Variants in FRMPD2 observed in about 807,000 individuals in gnomAD.
FRMPD2 encodes the protein FERM and PDZ domain-containing protein 2.
Under a neutral mutation model 140.1 loss-of-function variants are expected in FRMPD2, and 96 were observed. That is an observed-to-expected ratio of 0.69 (90% CI 0.58 to 0.81). The LOEUF (loss-of-function observed/expected upper bound fraction) is 0.81, where lower values mean the gene tolerates loss of function less well. Among genes scored for constraint, FRMPD2 ranks in the 40% least tolerant of loss-of-function variants. The pLI is 0.00. For missense variants in FRMPD2, 1,240 were observed against 1,447.4 expected, an observed-to-expected ratio of 0.86 and a Z score of 2.32; for synonymous variants, 449 against 547.6, an observed-to-expected ratio of 0.82 and a Z score of 2.52.
chr10:48,273,135 T>C (rs1564446250), intron 1 of FRMPD2, among the ~76,000 whole-genome samples: 1 of 152,186 alleles, frequency 6.6e-6, no homozygotes, highest in Non-Finnish European at 1.5e-5. Context: ...TGTATTTGTT[T>C]TTGCTCACAG....
chr10:48,274,872 A>G, upstream of FRMPD2: 1 of 417,218 alleles, frequency 2.4e-6, no homozygotes, highest in Non-Finnish European at 4.3e-6. Context: ...GAAGAGCTCA[A>G]GTGGATTAGG....
At chr10:48,238,525 G>T (rs1474256954) in intron 7 of FRMPD2, among the ~76,000 whole-genome samples, 1 of 152,136 alleles carries the variant, frequency 6.6e-6, no homozygotes, top group South Asian at 2.1e-4. Context: ...GGAATCAGGG[G>T]GTAAAAATTG....
rs141463378 is a variant in FRMPD2, at chr10:48,209,092, G to A, written c.1612-2159C>T. On this transcript the variant is annotated intron_variant, in intron 13 of 28. Transcript: ENST00000374201. ...GGGAAACCAGCTCCTGGCAGTAAAC[G>A]ATTTCCTAAAAACAGTACTGTCTTA... Among the ~76,000 whole-genome samples, 118 of 152,156 alleles carry A rather than the reference G, an allele frequency of 7.8e-4. 2 individuals are homozygous for A. Among genetic ancestry groups the A allele is most frequent in the East Asian group, 5.0e-3 (26 of 5,182 alleles).
chr10:48,255,278 C>T (rs1314087794), intron 1 of FRMPD2, among the ~76,000 whole-genome samples: 2 of 152,176 alleles, frequency 1.3e-5, no homozygotes, highest in African/African-American at 2.4e-5. Flanking sequence ...AATGAGTTTC[C>T]AGGCTGAGGA....
In FRMPD2 at chr10:48,240,449, T is replaced by C. The variant is rs901056508; in HGVS notation, c.611A>G (p.Asn204Ser). The change falls in exon 6 of 29, where the codon AAC (asparagine) becomes AGC (serine). Residue 204 changes from asparagine (N) to serine (S), a missense_variant. By Grantham distance (46) the Asn-to-Ser change is conservative. Transcript: ENST00000374201. ...CCTCTTCCTGAGCAGGTAGCTTCTGTTCTGCTGCACAGAGGAGCTTTCCTC... is the reference window on the plus strand; with the variant it reads ...CCTCTTCCTGAGCAGGTAGCTTCTGCTCTGCTGCACAGAGGAGCTTTCCTC... ...VVEESSSVQQNRSYLLRKRLR... is the reference protein window; with the variant it reads ...VVEESSSVQQSRSYLLRKRLR... The C allele has an allele frequency of 6.2e-7, 1 of 1,613,872 alleles. No individual in the cohort carries two copies. Among genetic ancestry groups the C allele is most frequent in the Non-Finnish European group, 8.5e-7 (1 of 1,180,028 alleles).
intron 10 of FRMPD2, among the ~76,000 whole-genome samples, chr10:48,227,824 G>T (rs2047746): frequency 0.21 from 31,905 of 151,886 alleles, 3,662 homozygotes; most frequent in African/African-American, 0.31. Flanking sequence ...AATGTTTTTT[G>T]AGTTCAGGTG....
At chr10:48,271,734 GAA>G (rs1421848615) in intron 1 of FRMPD2, among the ~76,000 whole-genome samples, 2 of 152,232 alleles carry the variant, frequency 1.3e-5, no homozygotes, top group African/African-American at 2.4e-5. Flanking sequence ...CTTCTGCCAG[GAA>G]AGCAGCTAAA....
intron 17 of FRMPD2, 141 bp downstream of exon 17, chr10:48,187,051 T>A: frequency 1.7e-6 from 1 of 603,460 alleles, no homozygotes; most frequent in Non-Finnish European, 2.9e-6. Context: ...TCACAAGTAG[T>A]TTAAAAAGAA....
At chr10:48,203,272 G>A (rs1474971783) in intron 14 of FRMPD2, among the ~76,000 whole-genome samples, 2 of 152,090 alleles carry the variant, frequency 1.3e-5, no homozygotes, top group Non-Finnish European at 1.5e-5. Flanking sequence ...ACACCAGAGT[G>A]GAATGCTGAT....
At chr10:48,229,807 G>C (rs1187378261) in intron 10 of FRMPD2, among the ~76,000 whole-genome samples, 1 of 152,036 alleles carries the variant, frequency 6.6e-6, no homozygotes, top group Non-Finnish European at 1.5e-5. Flanking sequence ...GGAATGTTAT[G>C]GTGTTGGTAC....
At chr10:48,163,770 G>C (rs1838018868) in intron 27 of FRMPD2, 99 bp from the exon 28 acceptor site, 1 of 649,180 alleles carries the variant, frequency 1.5e-6, no homozygotes, top group Non-Finnish European at 2.8e-6. Flanking sequence ...GATCAGAGTA[G>C]TTACAAGATG....
intron 16 of FRMPD2, among the ~76,000 whole-genome samples, chr10:48,188,024 C>A (rs530089269): frequency 1.3e-5 from 2 of 152,196 alleles, no homozygotes; most frequent in South Asian, 4.1e-4. Flanking sequence ...CAGAGGTGAG[C>A]AAAGTCTAGA....
intron 1 of FRMPD2, among the ~76,000 whole-genome samples, chr10:48,269,786 C>G (rs957556641): frequency 9.9e-5 from 15 of 152,188 alleles, no homozygotes; most frequent in Admixed American, 2.6e-4. Flanking sequence ...TTAACTCACA[C>G]TTGACAGACC....
At chr10:48,159,323 A>T (rs1186701906) in intron 28 of FRMPD2, 3 of 450,124 alleles carry the variant, frequency 6.7e-6, no homozygotes, top group African/African-American at 2.0e-5. Flanking sequence ...AATACTTAGG[A>T]TTTGTCACAG....
intron 15 of FRMPD2, 123 bp from the exon 16 acceptor site, chr10:48,193,017 A>T: frequency 1.4e-6 from 1 of 727,202 alleles, no homozygotes; most frequent in Non-Finnish European, 2.4e-6. Flanking sequence ...TTCTGCTGCT[A>T]TTTTGTCTCC....
intron 15 of FRMPD2, among the ~76,000 whole-genome samples, chr10:48,194,814 C>T (rs1838915485): frequency 1.3e-5 from 2 of 152,122 alleles, no homozygotes; most frequent in African/African-American, 4.8e-5. Context: ...GTGTCATCGC[C>T]ACGCCTCAGC....
At chr10:48,192,121 T>C (rs1838843347) in intron 16 of FRMPD2, among the ~76,000 whole-genome samples, 1 of 152,200 alleles carries the variant, frequency 6.6e-6, no homozygotes, top group African/African-American at 2.4e-5. Flanking sequence ...TGTCATCTAG[T>C]TCTTTCTTCA....
At chr10:48,215,613 C>T (rs947296783) in intron 12 of FRMPD2, among the ~76,000 whole-genome samples, 1 of 152,128 alleles carries the variant, frequency 6.6e-6, no homozygotes, top group Non-Finnish European at 1.5e-5. Flanking sequence ...CCTTTACATA[C>T]GTGAGAAAGG....
intron 1 of FRMPD2, among the ~76,000 whole-genome samples, chr10:48,253,478 G>A (rs1840430877): frequency 6.6e-6 from 1 of 152,024 alleles, no homozygotes; most frequent in South Asian, 2.1e-4. Flanking sequence ...GTCTTAACTA[G>A]CCACACCAGC....
Sources: allele counts gnomAD v4.1 joint callset (sites outside exome capture counted in the v4.1 genomes callset), GRCh38; gene constraint gnomAD v4.1.1; transcripts MANE v1.5; gene names NCBI Gene and HGNC (gene_info 2026-07-23, HGNC 2026-07-21).